The following PIAS4 variants were observed in gnomAD, a reference collection of about 807,000 sequenced individuals.
PIAS4 encodes E3 SUMO-protein ligase PIAS4.
PIAS4 carries 7 observed loss-of-function variants against 58.0 expected under a neutral mutation model. That is an observed-to-expected ratio of 0.12 (90% CI 0.07 to 0.23). The LOEUF (loss-of-function observed/expected upper bound fraction) is 0.23. Among genes scored for constraint, PIAS4 ranks in the 10% least tolerant of loss-of-function variants. The pLI is 1.00. For synonymous variants in PIAS4, 364 were observed against 312.4 expected (o/e 1.17, Z -1.74); for missense variants, 550 against 709.5 (o/e 0.78, Z 2.55).
chr19:4,033,333 G>A, intron 8 of PIAS4, 87 bp from the exon 9 acceptor site: 1 of 1,378,702 alleles, frequency 7.3e-7, no homozygotes, highest in Non-Finnish European at 9.9e-7. Context: ...ATTGGAGCGA[G>A]CCACAGGATG....
chr19:4,012,838 G>GC (rs1214486471), intron 1 of PIAS4, 85 bp from the exon 2 acceptor site: 11 of 1,414,590 alleles, frequency 7.8e-6, no homozygotes, highest in Non-Finnish European at 1.1e-5. Context: ...GTCTTTCACG[G>GC]CCCCCACATC....
rs970444857 is a variant in PIAS4 at position 4,039,226 on chromosome 19, C to T, written c.*1351C>T. The stretch of plus-strand genomic sequence containing the variant: ...CAGGTCTAAAGAAAGGGACGTGCAT[C>T]TGGCCGAGGGCAGTTCAGTCTCACT... On this transcript the variant is annotated 3_prime_UTR_variant, in exon 11 of 11. Coordinates refer to ENST00000262971, the MANE Select transcript of PIAS4 (RefSeq NM_015897.4). 1.4e-5 allele frequency: 2 copies of T among 146,808 alleles called. No individual in the cohort carries two copies. Among genetic ancestry groups the T allele is most frequent in the Admixed American group, 6.6e-5 (1 of 15,116 alleles). The allele number at this position is 146,808 out of a possible 1,614,324, so 9.1% of individuals were successfully genotyped here.
In PIAS4 at chr19:4,013,399, C is replaced by T. The variant is rs373926839; in HGVS notation, c.454+50C>T. On this transcript the variant is annotated intron_variant, in intron 2 of 10. Transcript: ENST00000262971. This position sits in a 1 kb window ranked among gnomAD's most constrained non-coding sequence, Gnocchi z 5.1. ...GCGACTGGAGGCTTCACCTAGGCCC[C>T]GTCGCCCAGCCCAGCCCAGCCACAC... The T allele has an allele frequency of 7.3e-6, 11 of 1,509,084 alleles. No homozygotes were observed. Among genetic ancestry groups the T allele is most frequent in the Admixed American group, 1.7e-5 (1 of 57,626 alleles). 93.5% of individuals were successfully genotyped at this position (1,509,084 alleles called of 1,614,324 possible).
At chr19:4,029,125 CGGA>C (rs2040198282) in intron 7 of PIAS4, 89 bp downstream of exon 7, 7 of 898,332 alleles carry the variant, frequency 7.8e-6, no homozygotes, top group East Asian at 5.3e-5. Context: ...GCCCTGCACC[CGGA>C]GGAGATCGAT....
At chr19:4,008,336 C>T (rs969783925) in intron 1 of PIAS4, among the ~76,000 whole-genome samples, 1 of 152,108 alleles carries the variant, frequency 6.6e-6, no homozygotes, top group South Asian at 2.1e-4. Context: ...TGTCCTGCCA[C>T]CGTCCAGGTG....
intron 2 of PIAS4, among the ~76,000 whole-genome samples, chr19:4,023,020 A>C (rs967371198): frequency 1.3e-5 from 2 of 151,072 alleles, no homozygotes; most frequent in Non-Finnish European, 3.0e-5. Context: ...AAAAATAGAA[A>C]ATTAGCCGGG....
intron 2 of PIAS4, among the ~76,000 whole-genome samples, chr19:4,018,254 G>C (rs999947274): frequency 6.6e-6 from 1 of 152,254 alleles, no homozygotes; most frequent in Non-Finnish European, 1.5e-5. Flanking sequence ...GGTACACCGG[G>C]CCGGTGCTTG....
Position 4,037,447 on chromosome 19 carries a change from C to T in PIAS4, c.1216C>T (p.Pro406Ser). Residue 406 changes from proline (P) to serine (S), a missense_variant, in exon 10 of 11, where the codon CCG (proline) becomes TCG (serine). By Grantham distance (74) the Pro-to-Ser change is moderately conservative. Coordinates refer to ENST00000262971, the MANE Select transcript of PIAS4 (RefSeq NM_015897.4). The surrounding 1 kb of genome is among the most constrained non-coding windows in gnomAD (Gnocchi z 5.8). ...IEYLVDGSWC[P>S]IRAEKERSCS... ...GTACCTGGTGGACGGCTCGTGGTGCCCGATCCGCGCCGAAAAGGAGCGCAG... is the reference window on the plus strand; with the variant it reads ...GTACCTGGTGGACGGCTCGTGGTGCTCGATCCGCGCCGAAAAGGAGCGCAG... 1 of 1,611,714 alleles carries T rather than the reference C, an allele frequency of 6.2e-7. No homozygotes were observed. Among genetic ancestry groups the T allele is most frequent in the East Asian group, 2.2e-5 (1 of 44,856 alleles).
At chr19:4,017,131 C>G (rs1439962998) in intron 2 of PIAS4, among the ~76,000 whole-genome samples, 1 of 152,192 alleles carries the variant, frequency 6.6e-6, no homozygotes, top group Non-Finnish European at 1.5e-5. Context: ...CCCACTCAGC[C>G]CGCTGGCACT....
intron 2 of PIAS4, among the ~76,000 whole-genome samples, chr19:4,019,861 G>C (rs2040091347): frequency 6.6e-6 from 1 of 152,106 alleles, no homozygotes; most frequent in African/African-American, 2.4e-5. Context: ...GGGACGTGCA[G>C]GCTGAGGCCA....
intron 3 of PIAS4, among the ~76,000 whole-genome samples, chr19:4,026,091 A>G (rs1178993278): frequency 6.6e-6 from 1 of 150,458 alleles, no homozygotes; most frequent in Non-Finnish European, 1.5e-5. Flanking sequence ...AAAAAAAAAA[A>G]AAGTTTGGTT....
At chr19:4,029,162 G>A (rs553159648) in intron 7 of PIAS4, 126 bp downstream of exon 7, 3 of 678,028 alleles carry the variant, frequency 4.4e-6, no homozygotes, top group African/African-American at 3.6e-5. Context: ...TCACTCTGGG[G>A]GTCCATGGCC....
At chr19:4,031,645 C>T (rs533378970) in intron 7 of PIAS4, among the ~76,000 whole-genome samples, 2 of 152,240 alleles carry the variant, frequency 1.3e-5, no homozygotes, top group South Asian at 4.1e-4. Flanking sequence ...CTTAACTCCT[C>T]AGTGACCAGA....
intron 1 of PIAS4, among the ~76,000 whole-genome samples, chr19:4,008,198 G>T (rs748410601): frequency 2.2e-4 from 33 of 152,156 alleles, no homozygotes; most frequent in Non-Finnish European, 4.0e-4. Context: ...TGGTGTGTTG[G>T]GGGGAGTGTC....
intron 1 of PIAS4, among the ~76,000 whole-genome samples, chr19:4,008,876 G>C (rs976579464): frequency 6.6e-6 from 1 of 151,854 alleles, no homozygotes; most frequent in Non-Finnish European, 1.5e-5. Context: ...GATCTCTGGA[G>C]GGTCCCCACT....
intron 7 of PIAS4, among the ~76,000 whole-genome samples, chr19:4,031,538 C>T (rs902639855): frequency 5.9e-5 from 9 of 152,144 alleles, no homozygotes; most frequent in Admixed American, 3.3e-4. Context: ...TTTTTTCAAC[C>T]GCCCCCGACC....
At chr19:4,027,379 G>A (rs2040176461) in intron 3 of PIAS4, among the ~76,000 whole-genome samples, 1 of 152,156 alleles carries the variant, frequency 6.6e-6, no homozygotes, top group South Asian at 2.1e-4. Context: ...CCTTTCCATG[G>A]CTGGGTCGCG....
chr19:4,032,948 C>G, intron 7 of PIAS4, 152 bp from the exon 8 acceptor site: 1 of 634,892 alleles, frequency 1.6e-6, no homozygotes, highest in East Asian at 2.8e-5. Flanking sequence ...TCTCCAATCC[C>G]TCACGGCCCC....
intron 9 of PIAS4, 140 bp downstream of exon 9, chr19:4,033,720 C>T (rs1545347): frequency 0.72 from 508,590 of 704,958 alleles, 191,928 homozygotes; most frequent in East Asian, 0.94. Context: ...TTGGAAACCC[C>T]GGGCTGCGAA....
Sources: gnomAD v4.1 joint callset for allele counts (sites outside exome capture counted in the v4.1 genomes callset) on GRCh38, gnomAD v4.1.1 for gene constraint, Gnocchi (gnomAD v3.1) non-coding constraint, MANE v1.5 for transcripts, NCBI Gene and HGNC (gene_info 2026-07-23, HGNC 2026-07-21) for gene names.